EXOC4: variants seen among roughly 807,000 people sequenced by gnomAD.
The protein encoded by EXOC4 is exocyst complex component 4, also known as SEC8-like 1.
A neutral mutation model predicts 107.2 loss-of-function variants in EXOC4; 71 were observed. The ratio of observed to expected loss-of-function variants is 0.66; its 90% CI spans 0.55 to 0.81. The LOEUF (loss-of-function observed/expected upper bound fraction) is 0.81, where lower values mean the gene tolerates loss of function less well. Ranked by LOEUF, EXOC4 falls within the 30% of genes least tolerant of loss-of-function variation. The probability of loss-of-function intolerance (pLI) is 0.00; values close to 1 mark genes in which losing one functional copy is unlikely to be tolerated. For missense variants in EXOC4, 1,108 were observed against 1,189.6 expected (o/e 0.93, Z 1.01); for synonymous variants, 456 against 441.2 (o/e 1.03, Z -0.42).
chr7:133,805,277 TC>T (rs1322252376), intron 10 of EXOC4, among the ~76,000 whole-genome samples: 3 of 152,190 alleles, frequency 2.0e-5, no homozygotes, highest in African/African-American at 7.2e-5. Flanking sequence ...TCAAAACTCC[TC>T]TTTAGCTGAT....
chr7:133,881,282 C>G (rs1476985248), intron 11 of EXOC4, among the ~76,000 whole-genome samples: 2 of 151,568 alleles, frequency 1.3e-5, no homozygotes, highest in Non-Finnish European at 2.9e-5. Context: ...CCCCACTCCC[C>G]CACATACCCC....
chr7:133,709,103 G>A (rs1375836689), intron 10 of EXOC4, among the ~76,000 whole-genome samples: 1 of 152,194 alleles, frequency 6.6e-6, no homozygotes, highest in African/African-American at 2.4e-5. Context: ...GTCAGTAACA[G>A]CAGGAAGATT....
intron 10 of EXOC4, among the ~76,000 whole-genome samples, chr7:133,639,793 A>G (rs1802806828): frequency 2.0e-5 from 3 of 152,198 alleles, no homozygotes; most frequent in South Asian, 2.1e-4. Flanking sequence ...AGTAATTTTG[A>G]CAATTGCTAT....
intron 14 of EXOC4, among the ~76,000 whole-genome samples, chr7:133,973,592 G>A (rs1294988400): frequency 6.6e-6 from 1 of 152,138 alleles, no homozygotes; most frequent in Non-Finnish European, 1.5e-5. Flanking sequence ...TTTATGTGGA[G>A]GACAATGTCA....
intron 9 of EXOC4, among the ~76,000 whole-genome samples, chr7:133,490,802 T>G (rs530896707): frequency 1.3e-5 from 2 of 152,196 alleles, no homozygotes; most frequent in South Asian, 4.1e-4. Context: ...AAAGAATAAA[T>G]GTAATCACAT....
intron 7 of EXOC4, among the ~76,000 whole-genome samples, chr7:133,424,978 A>G (rs923301126): frequency 1.3e-5 from 2 of 152,210 alleles, no homozygotes; most frequent in African/African-American, 4.8e-5. Flanking sequence ...AGTGATGGCA[A>G]CCAGTTCAGT....
At chr7:133,450,549 G>A (rs1458671548) in intron 7 of EXOC4, among the ~76,000 whole-genome samples, 2 of 152,074 alleles carry the variant, frequency 1.3e-5, no homozygotes, top group Non-Finnish European at 2.9e-5. Flanking sequence ...CCTAGACCTT[G>A]TGTCTGCTGA....
At chr7:134,095,484 T>A in the EXOC4 span, among the ~76,000 whole-genome samples, 1 of 152,134 alleles carries the variant, frequency 6.6e-6, no homozygotes, top group East Asian at 1.9e-4. Context: ...AAAATTCATA[T>A]GGAACCATAA....
chr7:133,784,859 C>T (rs192183094), intron 10 of EXOC4, among the ~76,000 whole-genome samples: 362 of 152,314 alleles, frequency 2.4e-3, no homozygotes, highest in Non-Finnish European at 4.1e-3. Flanking sequence ...AAAAAAGAAG[C>T]CATTAAAAAA....
At chr7:133,769,070 C>G (rs1206256489) in intron 10 of EXOC4, among the ~76,000 whole-genome samples, 2 of 151,916 alleles carry the variant, frequency 1.3e-5, no homozygotes, top group African/African-American at 2.4e-5. Flanking sequence ...CTGAACATGA[C>G]TTTCCATATC....
At chr7:133,302,281 T>A (rs1318220355) in intron 3 of EXOC4, among the ~76,000 whole-genome samples, 1 of 152,222 alleles carries the variant, frequency 6.6e-6, no homozygotes, top group East Asian at 1.9e-4. Context: ...AAAGGAAATA[T>A]TTATTTTCAA....
intron 7 of EXOC4, among the ~76,000 whole-genome samples, chr7:133,474,668 A>G (rs1303721337): frequency 6.6e-6 from 1 of 152,052 alleles, no homozygotes; most frequent in Non-Finnish European, 1.5e-5. Context: ...TCTCAATATG[A>G]GTAGTGGCTA....
intron 10 of EXOC4, among the ~76,000 whole-genome samples, chr7:133,738,910 A>T (rs1795503810): frequency 3.3e-5 from 5 of 152,174 alleles, no homozygotes; most frequent in Admixed American, 2.6e-4. Flanking sequence ...TATATATAGA[A>T]TACACTTATA....
intron 10 of EXOC4, among the ~76,000 whole-genome samples, chr7:133,635,165 T>C (rs1353033781): frequency 6.6e-6 from 1 of 152,176 alleles, no homozygotes; most frequent in Admixed American, 6.5e-5. Flanking sequence ...TCATGGTAGT[T>C]ATTAACCATG....
At chr7:133,518,013 G>A (rs1799911893) in intron 9 of EXOC4, among the ~76,000 whole-genome samples, 1 of 151,794 alleles carries the variant, frequency 6.6e-6, no homozygotes, top group Admixed American at 6.6e-5. Context: ...GGATGATCTA[G>A]GATGGTGCCA....
intron 6 of EXOC4, among the ~76,000 whole-genome samples, chr7:133,365,285 G>A (rs778229354): frequency 4.9e-4 from 74 of 152,310 alleles, no homozygotes; most frequent in Non-Finnish European, 7.2e-4. Context: ...TCCCTGGGAA[G>A]TGGATTTATG....
At chr7:133,907,149 C>T (rs1245317503) in intron 12 of EXOC4, among the ~76,000 whole-genome samples, 1 of 152,152 alleles carries the variant, frequency 6.6e-6, no homozygotes, top group African/African-American at 2.4e-5. Flanking sequence ...ATGTTATCTC[C>T]TAACACTGAT....
intron 7 of EXOC4, among the ~76,000 whole-genome samples, chr7:133,417,898 G>A (rs925289685): frequency 6.6e-6 from 1 of 152,120 alleles, no homozygotes; most frequent in Admixed American, 6.5e-5. Context: ...GTTTTTGCAT[G>A]ATTTTTAACC....
intron 7 of EXOC4, among the ~76,000 whole-genome samples, chr7:133,392,216 TCTC>T (rs1455653984): frequency 6.6e-6 from 1 of 152,172 alleles, no homozygotes; most frequent in Non-Finnish European, 1.5e-5. Flanking sequence ...ATTTCTCTCT[TCTC>T]TGATTCTGGG....
Sources: gnomAD v4.1 joint callset for allele counts (sites outside exome capture counted in the v4.1 genomes callset) on GRCh38, gnomAD v4.1.1 for gene constraint, MANE v1.5 for transcripts, NCBI Gene and HGNC (gene_info 2026-07-23, HGNC 2026-07-21) for gene names.